PCDH15: variants seen among roughly 807,000 people sequenced by gnomAD.
PCDH15 encodes the protein protocadherin related 15, also known as protocadherin-15.
PCDH15 carries 129 observed loss-of-function variants against 178.5 expected under a neutral mutation model. The observed-to-expected ratio is 0.72, with a 90% CI of 0.63 to 0.84. PCDH15 has a LOEUF of 0.84. Ranked by LOEUF, PCDH15 falls within the 40% of genes least tolerant of loss-of-function variation. The pLI, the probability that PCDH15 is intolerant of heterozygous loss-of-function variation, is 0.00. For synonymous variants in PCDH15, 800 were observed against 732.0 expected (o/e 1.09, Z -1.50); for missense variants, 2,230 against 2,099.9 (o/e 1.06, Z -1.21).
intron 1 of PCDH15, among the ~76,000 whole-genome samples, chr10:55,191,028 G>T (rs928785071): frequency 2.6e-5 from 4 of 151,568 alleles, no homozygotes; most frequent in Non-Finnish European, 4.4e-5. Flanking sequence ...AATATTTGGG[G>T]TTTTTTAAGA....
chr10:54,319,387 T>TGA (rs2061456798), intron 7 of PCDH15, among the ~76,000 whole-genome samples: 1 of 152,146 alleles, frequency 6.6e-6, no homozygotes, highest in Non-Finnish European at 1.5e-5. Context: ...ACAACATGAA[T>TGA]GAGCCTTGAA....
intron 26 of PCDH15, among the ~76,000 whole-genome samples, chr10:53,891,407 T>A (rs1040835359): frequency 6.6e-6 from 1 of 152,174 alleles, no homozygotes; most frequent in African/African-American, 2.4e-5. Flanking sequence ...AATGCAAGCT[T>A]ACCTCCAAAA....
At chr10:55,299,869 A>T (rs904295175) in intron 1 of PCDH15, among the ~76,000 whole-genome samples, 2 of 152,210 alleles carry the variant, frequency 1.3e-5, no homozygotes, top group East Asian at 1.9e-4. Context: ...CACTGGTCAT[A>T]CTATATATGA....
intron 1 of PCDH15, among the ~76,000 whole-genome samples, chr10:55,240,264 T>C (rs1375807251): frequency 6.6e-6 from 1 of 152,218 alleles, no homozygotes; most frequent in Non-Finnish European, 1.5e-5. Context: ...ATTACAAATT[T>C]GTATTTAATA....
chr10:55,254,448 T>C (rs1441085718), intron 1 of PCDH15, among the ~76,000 whole-genome samples: 2 of 152,234 alleles, frequency 1.3e-5, no homozygotes, highest in Non-Finnish European at 2.9e-5. Context: ...CCTGGAAACA[T>C]TGGTAATAAG....
At chr10:54,964,182 G>A (rs1838724345) in intron 2 of PCDH15, among the ~76,000 whole-genome samples, 1 of 152,144 alleles carries the variant, frequency 6.6e-6, no homozygotes, top group African/African-American at 2.4e-5. Context: ...ACTTAGATAA[G>A]ACAAATGGAA....
intron 1 of PCDH15, among the ~76,000 whole-genome samples, chr10:54,735,230 A>T (rs192887456): frequency 3.5e-4 from 54 of 152,196 alleles, no homozygotes; most frequent in African/African-American, 1.1e-3. Flanking sequence ...TTTGCTTTTG[A>T]CCAATTTGGT....
intron 2 of PCDH15, among the ~76,000 whole-genome samples, chr10:54,999,246 T>A (rs186364544): frequency 6.6e-6 from 1 of 152,306 alleles, no homozygotes; most frequent in African/African-American, 2.4e-5. Context: ...ATGTTTTTCT[T>A]ACCTCTGATG....
Position 53,857,186 on chromosome 10 carries a change from TTCTA to T in PCDH15, c.3791_3794del (p.Ile1264LysfsTer21), listed in dbSNP as rs1554833249. 3.1e-6 allele frequency: 5 copies of T among 1,597,458 alleles called. No homozygotes were observed. The highest frequency in any genetic ancestry group is 4.3e-6 in the Non-Finnish European group (5 of 1,165,548). ...ACAAAATCAATTACTCTGTAAGATC[TTCTA>T]TCTTTTTTTCCACTAGAGTAGGAGG... On this transcript the variant is annotated frameshift_variant, in exon 28 of 38. Transcript: ENST00000644397. LOFTEE classifies it high-confidence loss of function.
chr10:55,434,077 C>CTTTTTTTTTTTTTTTTTT lies in PCDH15; in HGVS notation c.-156+193530_-156+193547dup, dbSNP rs60921527. Among the ~76,000 whole-genome samples, 176 of 90,788 alleles carry CTTTTTTTTTTTTTTTTTT rather than the reference C, an allele frequency of 1.9e-3. 5 individuals are homozygous for CTTTTTTTTTTTTTTTTTT. The highest frequency in any genetic ancestry group is 3.2e-3 in the East Asian group (9 of 2,794). The allele number at this position is 90,788 out of a possible 152,430, so 59.6% of individuals were successfully genotyped here. A position where few individuals can be genotyped will look rare whatever the true frequency, so the allele number is the denominator to read the frequency against. On this transcript the variant is annotated intron_variant, in intron 2 of 5. Transcript: ENST00000613346. ...AATTCTCCGCTTTTTCTTTTCTTTT[C>CTTTTTTTTTTTTTTTTTT]TTTTTTTTTTTTTTTTTTTTTGAGA...
At chr10:54,273,792 A>C (rs2058184719) in intron 8 of PCDH15, among the ~76,000 whole-genome samples, 2 of 152,140 alleles carry the variant, frequency 1.3e-5, no homozygotes, top group Admixed American at 6.6e-5. Context: ...TTTAGAGGAT[A>C]ACAGCCACAC....
At chr10:55,508,532 A>T (rs1840810773) in intron 2 of PCDH15, among the ~76,000 whole-genome samples, 1 of 151,744 alleles carries the variant, frequency 6.6e-6, no homozygotes, top group Non-Finnish European at 1.5e-5. Context: ...CTTCAATTAG[A>T]CATAGAATGT....
At position 54,105,275 on chromosome 10, in the gene PCDH15, GAGAT is replaced by G. The variant is rs1298635095; in HGVS notation, c.1918-15216_1918-15213del. On this transcript the variant is annotated intron_variant, in intron 15 of 37. Coordinates refer to ENST00000644397, the MANE Select transcript of PCDH15 (RefSeq NM_001384140.1). Reference sequence around the variant, plus strand: ...AGATATAGATATAGACATATAGATGGAGATATATATATATATATATATATATATA... The same window carrying G: ...AGATATAGATATAGACATATAGATGGATATATATATATATATATATATATA... Among the ~76,000 whole-genome samples, 52 of 47,838 alleles carry G rather than the reference GAGAT, an allele frequency of 1.1e-3. 1 individual carries two copies. The highest frequency in any genetic ancestry group is 0.01 in the Middle Eastern group (1 of 100). 31.4% of individuals were successfully genotyped at this position (47,838 alleles called of 152,430 possible). A position where few individuals can be genotyped will look rare whatever the true frequency, so the allele number is the denominator to read the frequency against.
intron 2 of PCDH15, among the ~76,000 whole-genome samples, chr10:55,033,473 G>T (rs1840660471): frequency 6.6e-6 from 1 of 152,124 alleles, no homozygotes; most frequent in African/African-American, 2.4e-5. Context: ...CTGTGTTTTG[G>T]ACTCACTTGG....
In PCDH15 at chr10:53,903,145, A is replaced by G. The variant is rs945692409; in HGVS notation, c.3501+98T>C. 4.4e-6 allele frequency: 6 copies of G among 1,372,450 alleles called. No individual in the cohort carries two copies. In the African/African-American group the frequency reaches 5.7e-5, roughly 13 times the overall value. 85.0% of individuals were successfully genotyped at this position (1,372,450 alleles called of 1,614,324 possible). On this transcript the variant is annotated intron_variant, in intron 26 of 37. Coordinates refer to ENST00000644397, the MANE Select transcript of PCDH15 (RefSeq NM_001384140.1). ...CCAAGTTTCAGGCTTTTGTTTATAC[A>G]GCATAAGTATGCAGTTAATGCAAAC...
intron 1 of PCDH15, among the ~76,000 whole-genome samples, chr10:54,779,066 TAGAG>T (rs915561591): frequency 2.0e-5 from 3 of 152,058 alleles, no homozygotes; most frequent in African/African-American, 7.2e-5. Flanking sequence ...AGATTAGAGA[TAGAG>T]AATCTAATAC....
rs201339027 is a variant in PCDH15 at position 54,728,627 on chromosome 10, TA to T, written c.-28-64338del. Among the ~76,000 whole-genome samples, 1,271 of 151,318 alleles carry T rather than the reference TA, an allele frequency of 8.4e-3. 14 individuals are homozygous for T. Among genetic ancestry groups the T allele is most frequent in the African/African-American group, 0.028 (1,177 of 41,418 alleles). ...GAGGAAGAAATAAAATGCATCCAAA[TA>T]GAGAGGTATTCAAACTATCTCTGTA... On this transcript the variant is annotated intron_variant, in intron 1 of 37. Transcript: ENST00000644397.
intron 8 of PCDH15, among the ~76,000 whole-genome samples, chr10:54,289,893 T>C (rs2059282155): frequency 6.6e-6 from 1 of 152,154 alleles, no homozygotes; most frequent in South Asian, 2.1e-4. Flanking sequence ...AATATAGGAC[T>C]ATGTGAAAAG....
intron 2 of PCDH15, among the ~76,000 whole-genome samples, chr10:54,563,081 C>G (rs2088446752): frequency 6.6e-6 from 1 of 152,044 alleles, no homozygotes; most frequent in Non-Finnish European, 1.5e-5. Flanking sequence ...AGGTACTTAT[C>G]AAAACTTATA....
Sources: gnomAD v4.1 joint callset for allele counts (sites outside exome capture counted in the v4.1 genomes callset) on GRCh38, gnomAD v4.1.1 for gene constraint, MANE v1.5 for transcripts, NCBI Gene and HGNC (gene_info 2026-07-23, HGNC 2026-07-21) for gene names.